IMMP2L: variants seen among roughly 807,000 people sequenced by gnomAD.
IMMP2L encodes mitochondrial inner membrane protease subunit 2.
Under a neutral mutation model 19.3 loss-of-function variants are expected in IMMP2L, and 18 were observed. The ratio of observed to expected loss-of-function variants is 0.93; its 90% confidence interval spans 0.64 to 1.38. The LOEUF (loss-of-function observed/expected upper bound fraction) is 1.38, where lower values mean the gene tolerates loss of function less well. IMMP2L is among the 40% of genes most tolerant of loss of function. The pLI, the probability that IMMP2L is intolerant of heterozygous loss-of-function variation, is 0.00. For missense variants in IMMP2L, 233 were observed against 218.2 expected, an observed-to-expected ratio of 1.07 and a Z score of -0.43; for synonymous variants, 76 against 73.0, an observed-to-expected ratio of 1.04 and a Z score of -0.21.
intron 3 of IMMP2L, among the ~76,000 whole-genome samples, chr7:111,067,001 T>C (rs1309767537): frequency 6.6e-6 from 1 of 152,150 alleles, no homozygotes; most frequent in Non-Finnish European, 1.5e-5. Flanking sequence ...CAGTACTCTA[T>C]CCATATTGTC....
rs1023039718 is a variant in IMMP2L at position 111,307,347 on chromosome 7, C to T, written c.239+179891G>A. Among the ~76,000 whole-genome samples, 8 of 151,734 alleles carry T rather than the reference C, an allele frequency of 5.3e-5. No homozygotes were observed. The East Asian group carries it at 7.7e-4, about 15-fold the overall frequency. Reference sequence around the variant, plus strand: ...TTTTAACAGTATTTACCAATACTGTCGAGTCACTAAGTTTTGATTTTTGGT... The same window carrying T: ...TTTTAACAGTATTTACCAATACTGTTGAGTCACTAAGTTTTGATTTTTGGT... On this transcript the variant is annotated intron_variant, in intron 3 of 5. Transcript: ENST00000405709.
intron 5 of IMMP2L, among the ~76,000 whole-genome samples, chr7:110,853,304 G>T (rs959675680): frequency 6.6e-6 from 1 of 151,900 alleles, no homozygotes; most frequent in Non-Finnish European, 1.5e-5. Flanking sequence ...TGTAAACAAA[G>T]ACATGTATTA....
At chr7:111,416,662 A>G (rs958772016) in intron 3 of IMMP2L, among the ~76,000 whole-genome samples, 1 of 151,824 alleles carries the variant, frequency 6.6e-6, no homozygotes, top group Non-Finnish European at 1.5e-5. Flanking sequence ...TCTAATAATC[A>G]TATTTTTAAA....
At chr7:111,160,546 C>T (rs900665038) in intron 3 of IMMP2L, among the ~76,000 whole-genome samples, 1 of 151,732 alleles carries the variant, frequency 6.6e-6, no homozygotes, top group African/African-American at 2.4e-5. Context: ...TACTCTTTAT[C>T]ACATATATGT....
intron 5 of IMMP2L, among the ~76,000 whole-genome samples, chr7:110,682,464 A>T (rs1054199221): frequency 6.6e-6 from 1 of 152,158 alleles, no homozygotes; most frequent in East Asian, 1.9e-4. Flanking sequence ...TGCTCAAAAA[A>T]GTTTGTCAGT....
At chr7:110,685,666 T>C (rs988356063) in intron 5 of IMMP2L, among the ~76,000 whole-genome samples, 21 of 152,142 alleles carry the variant, frequency 1.4e-4, no homozygotes, top group African/African-American at 4.6e-4. Context: ...ATTTTCTTCT[T>C]AGAAAATCTA....
chr7:110,972,075 G>A (rs542664145), intron 3 of IMMP2L, among the ~76,000 whole-genome samples: 1 of 151,954 alleles, frequency 6.6e-6, no homozygotes, highest in South Asian at 2.1e-4. Flanking sequence ...AGAGCTCTCA[G>A]GCACCAGTAA....
chr7:111,471,210 T>C (rs1841236577), intron 3 of IMMP2L, among the ~76,000 whole-genome samples: 1 of 152,076 alleles, frequency 6.6e-6, no homozygotes, highest in Non-Finnish European at 1.5e-5. Context: ...CCCAGAAATA[T>C]CTCTTTCCAG....
intron 5 of IMMP2L, among the ~76,000 whole-genome samples, chr7:110,790,692 A>G (rs1347790197): frequency 1.3e-5 from 2 of 151,664 alleles, no homozygotes; most frequent in Non-Finnish European, 2.9e-5. Context: ...GAGTAGGTTT[A>G]CTTTAAACAA....
chr7:111,025,196 G>A (rs751519829), intron 3 of IMMP2L, among the ~76,000 whole-genome samples: 11 of 152,186 alleles, frequency 7.2e-5, no homozygotes, highest in Non-Finnish European at 1.5e-4. Context: ...GGGCCTATAC[G>A]CACCAGGCAG....
chr7:110,731,364 T>A (rs1796267219), intron 5 of IMMP2L, among the ~76,000 whole-genome samples: 1 of 152,160 alleles, frequency 6.6e-6, no homozygotes, highest in Admixed American at 6.5e-5. Context: ...TCAATAAATG[T>A]TAAATGAATG....
At chr7:111,112,599 A>G (rs1799370952) in intron 3 of IMMP2L, among the ~76,000 whole-genome samples, 1 of 152,342 alleles carries the variant, frequency 6.6e-6, no homozygotes, top group African/African-American at 2.4e-5. Flanking sequence ...TTCTATTTTT[A>G]AAACTTTTTT....
intron 5 of IMMP2L, among the ~76,000 whole-genome samples, chr7:110,790,490 T>C (rs1800390508): frequency 6.6e-6 from 1 of 151,634 alleles, no homozygotes; most frequent in Admixed American, 6.6e-5. Context: ...AAACAAGAGA[T>C]CATGGTGGCT....
chr7:111,451,661 A>T (rs1839201632), intron 3 of IMMP2L, among the ~76,000 whole-genome samples: 1 of 150,718 alleles, frequency 6.6e-6, no homozygotes, highest in African/African-American at 2.4e-5. Context: ...ATGTATACAT[A>T]TGTAACTAAC....
At chr7:111,437,261 C>T (rs761848118) in intron 3 of IMMP2L, among the ~76,000 whole-genome samples, 4 of 151,698 alleles carry the variant, frequency 2.6e-5, no homozygotes, top group African/African-American at 7.3e-5. Context: ...GCCTGACCAA[C>T]GTGGAAAAAC....
intron 3 of IMMP2L, among the ~76,000 whole-genome samples, chr7:111,295,985 TAAA>T (rs3052106): frequency 0.096 from 13,031 of 136,292 alleles, 842 homozygotes; most frequent in African/African-American, 0.18. Flanking sequence ...GAAAGAATGT[TAAA>T]AAAAAAAAAA....
chr7:110,895,376 C>G (rs538309263), intron 4 of IMMP2L, among the ~76,000 whole-genome samples: 1 of 152,094 alleles, frequency 6.6e-6, no homozygotes, highest in African/African-American at 2.4e-5. Context: ...TTTCTAGACT[C>G]TATTTTGTTC....
chr7:111,242,920 T>C (rs1479843614), intron 3 of IMMP2L, among the ~76,000 whole-genome samples: 3 of 152,144 alleles, frequency 2.0e-5, no homozygotes, highest in Admixed American at 6.6e-5. Context: ...AATTGTTCTC[T>C]AACTCACTGG....
At chr7:111,539,201 A>G (rs1369290973) in intron 1 of IMMP2L, among the ~76,000 whole-genome samples, 11,891 of 26,474 alleles carry the variant, frequency 0.45, 2,848 homozygotes, top group South Asian at 0.47. Flanking sequence ...GGAGGGAGAA[A>G]GAAAGAAAGA....
Sources: allele counts gnomAD v4.1 joint callset (sites outside exome capture counted in the v4.1 genomes callset), GRCh38; gene constraint gnomAD v4.1.1; transcripts MANE v1.5; gene names NCBI Gene and HGNC (gene_info 2026-07-23, HGNC 2026-07-21).